ZBTB10: variants seen among roughly 807,000 people sequenced by gnomAD.
The protein encoded by ZBTB10 is zinc finger and BTB domain containing 10, also known as zinc finger and BTB domain-containing protein 10.
In ZBTB10, 32 loss-of-function variants were observed where a neutral mutation model predicts 76.4. That is an observed-to-expected ratio of 0.42 (90% CI 0.32 to 0.56). The LOEUF (loss-of-function observed/expected upper bound fraction) is 0.56. ZBTB10 is among the 20% of genes least tolerant of loss of function. The pLI, the probability that ZBTB10 is intolerant of heterozygous loss-of-function variation, is 0.14. For missense variants in ZBTB10, 1,057 were observed against 1,098.5 expected (o/e 0.96, Z 0.53); for synonymous variants, 523 against 432.9 (o/e 1.21, Z -2.58).
chr8:80,493,352 T>C (rs1815693643), intron 1 of ZBTB10, among the ~76,000 whole-genome samples: 1 of 152,114 alleles, frequency 6.6e-6, no homozygotes, highest in Admixed American at 6.5e-5. Context: ...GGAGGATCTC[T>C]TGTCATGCTG....
rs559733836 is a variant in ZBTB10, at chr8:80,511,458, A to G, written c.1862-2452A>G. Among the ~76,000 whole-genome samples the G allele has an allele frequency of 2.2e-3, 330 of 152,294 alleles. 1 individual carries two copies. Among genetic ancestry groups the G allele is most frequent in the African/African-American group, 7.6e-3 (316 of 41,570 alleles). On this transcript the variant is annotated intron_variant, in intron 2 of 5. Transcript: ENST00000455036. Reference sequence around the variant, plus strand: ...GACTTTTTTAAAAAAAGATTGAGAAATCTAGTGAAATTGAATAATTGTATT... The same window carrying G: ...GACTTTTTTAAAAAAAGATTGAGAAGTCTAGTGAAATTGAATAATTGTATT...
intron 2 of ZBTB10, among the ~76,000 whole-genome samples, chr8:80,507,535 A>T (rs1480208001): frequency 6.6e-6 from 1 of 151,836 alleles, no homozygotes; most frequent in Non-Finnish European, 1.5e-5. Flanking sequence ...GAATGGCTTG[A>T]ACCCGGGAGC....
intron 2 of ZBTB10, among the ~76,000 whole-genome samples, chr8:80,512,585 A>C (rs1816222548): frequency 6.6e-6 from 1 of 152,076 alleles, no homozygotes; most frequent in South Asian, 2.1e-4. Context: ...GGTGGTGTGC[A>C]CCTGTAGTCC....
intron 3 of ZBTB10, among the ~76,000 whole-genome samples, chr8:80,514,925 G>C (rs1359010019): frequency 6.6e-6 from 1 of 152,156 alleles, no homozygotes; most frequent in Admixed American, 6.5e-5. Flanking sequence ...TATACGACAG[G>C]TAGTCCAAAC....
At position 80,499,903 on chromosome 8, in the gene ZBTB10, A is replaced by G; in HGVS notation, c.1382A>G (p.Asp461Gly). 1 of 1,613,884 alleles carries G rather than the reference A, an allele frequency of 6.2e-7. No individual in the cohort carries two copies. Residue 461 changes from aspartate (D) to glycine (G), a missense_variant, in exon 2 of 6, where the codon GAT (aspartate) becomes GGT (glycine). By Grantham distance (94) the Asp-to-Gly change is moderately conservative (BLOSUM62 -1). Around this residue, in one of 5 missense-constraint regions of ZBTB10, gnomAD observed 306 missense variants for 297.5 expected, o/e 1.03. Coordinates refer to ENST00000455036, the MANE Select transcript of ZBTB10 (RefSeq NM_001105539.3). ...VVQTCRNFIKDALNISIKSEA... is the reference protein window; with the variant it reads ...VVQTCRNFIKGALNISIKSEA... Reference sequence around the variant, plus strand: ...CAAACTTGCCGAAATTTCATTAAAGATGCCTTAAATATAAGCATTAAATCA... The same window carrying G: ...CAAACTTGCCGAAATTTCATTAAAGGTGCCTTAAATATAAGCATTAAATCA...
At chr8:80,512,370 A>T (rs1464488220) in intron 2 of ZBTB10, among the ~76,000 whole-genome samples, 2 of 152,204 alleles carry the variant, frequency 1.3e-5, no homozygotes, top group East Asian at 3.9e-4. Context: ...TCGCAGCAAT[A>T]TCTTTAGTAT....
In ZBTB10 at chr8:80,526,242, A is replaced by T. The variant is rs1230415286; in HGVS notation, c.*6714A>T. On this transcript the variant is annotated 3_prime_UTR_variant, in exon 6 of 6. Coordinates refer to ENST00000455036, the MANE Select transcript of ZBTB10 (RefSeq NM_001105539.3). Reference sequence around the variant, plus strand: ...GTTTTGATGTAGAGTGCAATAATACATCAATAAAGGTATTTTAAAATGACC... The same window carrying T: ...GTTTTGATGTAGAGTGCAATAATACTTCAATAAAGGTATTTTAAAATGACC... 6.6e-6 allele frequency: 1 copy of T among 152,234 alleles called. No homozygotes were observed. Among genetic ancestry groups the T allele is most frequent in the Non-Finnish European group, 1.5e-5 (1 of 68,036 alleles). 9.4% of individuals were successfully genotyped at this position (152,234 alleles called of 1,614,324 possible).
rs1024054793 is a variant in ZBTB10, at chr8:80,526,088, A to T, written c.*6560A>T. The T allele has an allele frequency of 1.3e-5, 2 of 152,146 alleles. No individual in the cohort carries two copies. Among genetic ancestry groups the T allele is most frequent in the African/African-American group, 4.8e-5 (2 of 41,446 alleles). 9.4% of individuals were successfully genotyped at this position (152,146 alleles called of 1,614,324 possible). On this transcript the variant is annotated 3_prime_UTR_variant, in exon 6 of 6. Transcript: ENST00000455036. ...TTTTTTTAAACCGTCTCCATAACAGAACACTTAGAATTATTAGCCATTTGC... is the reference window on the plus strand; with the variant it reads ...TTTTTTTAAACCGTCTCCATAACAGTACACTTAGAATTATTAGCCATTTGC...
chr8:80,514,297 GA>G (rs1031718376), intron 3 of ZBTB10, among the ~76,000 whole-genome samples: 4 of 152,166 alleles, frequency 2.6e-5, no homozygotes, highest in Non-Finnish European at 5.9e-5. Context: ...ATACGGAACG[GA>G]AATGGTAATT....
chr8:80,491,787 A>G (rs1162006157), intron 1 of ZBTB10, among the ~76,000 whole-genome samples: 1 of 152,262 alleles, frequency 6.6e-6, no homozygotes. Context: ...TTCTTGGTTT[A>G]GACCACTTTC....
At chr8:80,493,679 AC>A (rs1452276470) in intron 1 of ZBTB10, among the ~76,000 whole-genome samples, 2,390 of 148,880 alleles carry the variant, frequency 0.016, 65 homozygotes, top group African/African-American at 0.055. Context: ...AAAAAAAAAA[AC>A]CGAGCCGGGC....
At position 80,521,467 on chromosome 8, in the gene ZBTB10, T is replaced by A. The variant is rs1051139921; in HGVS notation, c.*1939T>A. On this transcript the variant is annotated 3_prime_UTR_variant, in exon 6 of 6. Transcript: ENST00000455036. The stretch of plus-strand genomic sequence containing the variant: ...GTATAAAGATTTCTTTCATCCCATT[T>A]ATCCCCTTCCTTTAAATAAACTAGT... The A allele has an allele frequency of 6.6e-6, 1 of 151,800 alleles. No homozygotes were observed. The highest frequency in any genetic ancestry group is 2.4e-5 in the African/African-American group (1 of 41,430). The allele number at this position is 151,800 out of a possible 1,614,324, so 9.4% of individuals were successfully genotyped here.
At chr8:80,497,149 C>T (rs1432042283) in intron 1 of ZBTB10, among the ~76,000 whole-genome samples, 1 of 152,084 alleles carries the variant, frequency 6.6e-6, no homozygotes, top group East Asian at 1.9e-4. Context: ...TCATTCTTTA[C>T]ATTTTCACAC....
intron 1 of ZBTB10, among the ~76,000 whole-genome samples, chr8:80,489,412 A>G (rs555052684): frequency 1.3e-5 from 2 of 152,360 alleles, no homozygotes; most frequent in East Asian, 3.9e-4. Flanking sequence ...TGAAAATGAA[A>G]GTTTAATTTT....
chr8:80,512,173 T>C (rs1019987818), intron 2 of ZBTB10, among the ~76,000 whole-genome samples: 25 of 152,176 alleles, frequency 1.6e-4, no homozygotes, highest in African/African-American at 5.3e-4. Flanking sequence ...GCAATAATGC[T>C]ACATTCTACT....
In ZBTB10 at chr8:80,522,874, CTG is replaced by C. The variant is rs1333724076; in HGVS notation, c.*3348_*3349del. The C allele has an allele frequency of 6.6e-6, 1 of 151,800 alleles. No homozygotes were observed. The highest frequency in any genetic ancestry group is 1.5e-5 in the Non-Finnish European group (1 of 67,854). 9.4% of individuals were successfully genotyped at this position (151,800 alleles called of 1,614,324 possible). ...AATGGTGTAAACGGCCTGAATATCA[CTG>C]TAGTAGTATCATACGGGGGAAAGTG... On this transcript the variant is annotated 3_prime_UTR_variant, in exon 6 of 6. Transcript: ENST00000455036.
chr8:80,518,220 TTTAA>T (rs1297777061), intron 3 of ZBTB10, among the ~76,000 whole-genome samples, 179 bp from the exon 4 acceptor site: 1 of 152,028 alleles, frequency 6.6e-6, no homozygotes, highest in Non-Finnish European at 1.5e-5. Flanking sequence ...TGGTATTTTG[TTTAA>T]TTGTGATAAT....
At position 80,510,926 on chromosome 8, in the gene ZBTB10, C is replaced by G. The variant is rs73257174; in HGVS notation, c.1862-2984C>G. On this transcript the variant is annotated intron_variant, in intron 2 of 5. Coordinates refer to ENST00000455036, the MANE Select transcript of ZBTB10 (RefSeq NM_001105539.3). ...GTTGCTATCATGCTTCCTAATGAAGCAAAATTCATTCGTGTCAATTAAGTG... is the reference window on the plus strand; with the variant it reads ...GTTGCTATCATGCTTCCTAATGAAGGAAAATTCATTCGTGTCAATTAAGTG... Among the ~76,000 whole-genome samples the G allele has an allele frequency of 5.6e-3, 845 of 152,198 alleles. 8 individuals carry two copies. Among genetic ancestry groups the G allele is most frequent in the African/African-American group, 0.018 (763 of 41,516 alleles).
At chr8:80,511,592 A>G (rs1393354849) in intron 2 of ZBTB10, among the ~76,000 whole-genome samples, 1 of 152,212 alleles carries the variant, frequency 6.6e-6, no homozygotes, top group Non-Finnish European at 1.5e-5. Flanking sequence ...GGCTCAAGCC[A>G]TTCTCCCGCC....
Sources: gnomAD v4.1 joint callset for allele counts (sites outside exome capture counted in the v4.1 genomes callset) on GRCh38, gnomAD v4.1.1 for gene constraint, gnomAD v4.1.1 regional missense constraint, MANE v1.5 for transcripts, NCBI Gene and HGNC (gene_info 2026-07-23, HGNC 2026-07-21) for gene names.